The following PEAK1 variants were observed in gnomAD, a reference collection of about 807,000 sequenced individuals.
The protein encoded by PEAK1 is inactive tyrosine-protein kinase PEAK1.
Under a neutral mutation model 124.7 loss-of-function variants are expected in PEAK1, and 54 were observed. The ratio of observed to expected loss-of-function variants is 0.43; its 90% confidence interval spans 0.35 to 0.54. The LOEUF (loss-of-function observed/expected upper bound fraction) is 0.54, where lower values mean the gene tolerates loss of function less well. Among genes scored for constraint, PEAK1 ranks in the 20% least tolerant of loss-of-function variants. PEAK1 has a pLI of 0.01. For synonymous variants in PEAK1, 719 were observed against 760.0 expected, an observed-to-expected ratio of 0.95 and a Z score of 0.89; for missense variants, 2,046 against 2,134.5, an observed-to-expected ratio of 0.96 and a Z score of 0.82.
rs562831132 is a variant in PEAK1, at chr15:77,113,316, A to G, written c.*840T>C. 1 of 152,408 alleles carries G rather than the reference A, an allele frequency of 6.6e-6. No individual in the cohort carries two copies. Among genetic ancestry groups the G allele is most frequent in the East Asian group, 1.9e-4 (1 of 5,190 alleles). The allele number at this position is 152,408 out of a possible 1,614,324, so 9.4% of individuals were successfully genotyped here. A position where few individuals can be genotyped will look rare whatever the true frequency, so the allele number is the denominator to read the frequency against. On this transcript the variant is annotated 3_prime_UTR_variant, in exon 10 of 10. Transcript: ENST00000682557. ...CCCTAGAGAATTGCACATGCAAGAAAATCATCTCCTCATGCCCTGCCAGCT... is the reference window on the plus strand; with the variant it reads ...CCCTAGAGAATTGCACATGCAAGAAGATCATCTCCTCATGCCCTGCCAGCT...
chr15:77,278,774 A>C, intron 5 of PEAK1: 1 of 422,692 alleles, frequency 2.4e-6, no homozygotes, highest in Non-Finnish European at 4.5e-6. Flanking sequence ...ACTTCTGGTG[A>C]CTATACAGTT....
In PEAK1 at chr15:77,205,415, A is replaced by G. The variant is rs926205634; in HGVS notation, c.-114-23375T>C. 3.3e-5 allele frequency among the ~76,000 whole-genome samples: 5 copies of G among 152,284 alleles called. 1 individual carries two copies. The South Asian group carries it at 1.0e-3, about 32-fold the overall frequency. On this transcript the variant is annotated intron_variant, in intron 6 of 9. Transcript: ENST00000682557. The stretch of plus-strand genomic sequence containing the variant: ...ATAGATGAAGGGTTAGTTTTAGGAT[A>G]TAGTTATATCCTATAATACAAAGCA...
chr15:77,411,501 C>G (rs28498505), intron 1 of PEAK1, among the ~76,000 whole-genome samples: 2 of 152,204 alleles, frequency 1.3e-5, no homozygotes, highest in African/African-American at 4.8e-5. Context: ...AAAGCCTTGA[C>G]AAGTTTCTTG....
chr15:77,294,099 G>T (rs1383384182), intron 2 of PEAK1, among the ~76,000 whole-genome samples: 1 of 152,148 alleles, frequency 6.6e-6, no homozygotes, highest in African/African-American at 2.4e-5. Context: ...CATTTTTCCA[G>T]TGCCCTCAGC....
rs1328306628 is a variant in PEAK1 at position 77,113,853 on chromosome 15, T to A, written c.*303A>T. On this transcript the variant is annotated 3_prime_UTR_variant, in exon 10 of 10. Coordinates refer to ENST00000682557, the MANE Select transcript of PEAK1 (RefSeq NM_001385026.1). ...GGCTGAGTTCATACCAAAGAAGCTGTCCCTTCAAGAATATGGATTTTCATT... is the reference window on the plus strand; with the variant it reads ...GGCTGAGTTCATACCAAAGAAGCTGACCCTTCAAGAATATGGATTTTCATT... The A allele has an allele frequency of 5.5e-6, 2 of 364,806 alleles. No individual in the cohort carries two copies. The highest frequency in any genetic ancestry group is 2.0e-5 in the African/African-American group (1 of 48,948). 22.6% of individuals were successfully genotyped at this position (364,806 alleles called of 1,614,324 possible). A position where few individuals can be genotyped will look rare whatever the true frequency, so the allele number is the denominator to read the frequency against.
upstream of PEAK1, chr15:77,420,297 A>C (rs1427092492): frequency 2.7e-5 from 4 of 150,304 alleles, no homozygotes; most frequent in Non-Finnish European, 4.4e-5. Context: ...GTCGTCTCCC[A>C]GGTCTCCCTC....
intron 2 of PEAK1, among the ~76,000 whole-genome samples, chr15:77,344,519 C>G (rs893976723): frequency 1.5e-4 from 23 of 152,322 alleles, no homozygotes; most frequent in African/African-American, 5.1e-4. Flanking sequence ...CTCTGTTCTT[C>G]TTTTCAAGAT....
intron 1 of PEAK1, chr15:77,403,792 A>G (rs1174029205): frequency 1.0e-6 from 1 of 980,276 alleles, no homozygotes; most frequent in Non-Finnish European, 1.2e-6. Context: ...CACAAACTCA[A>G]TTTAAAAAAA....
At chr15:77,413,700 T>C (rs913591427) in intron 1 of PEAK1, among the ~76,000 whole-genome samples, 1 of 152,202 alleles carries the variant, frequency 6.6e-6, no homozygotes, top group Non-Finnish European at 1.5e-5. Flanking sequence ...GGTAAAATAT[T>C]AAAGCAGTTT....
chr15:77,280,985 C>T (rs895777909), intron 5 of PEAK1, among the ~76,000 whole-genome samples: 3 of 152,016 alleles, frequency 2.0e-5, no homozygotes, highest in Non-Finnish European at 2.9e-5. Flanking sequence ...CATGGTGAAA[C>T]CCCATCTCTA....
At chr15:77,339,073 T>C (rs1287752050) in intron 2 of PEAK1, among the ~76,000 whole-genome samples, 1 of 152,050 alleles carries the variant, frequency 6.6e-6, no homozygotes, top group Non-Finnish European at 1.5e-5. Flanking sequence ...CTCAACTGCA[T>C]TGATTTTACA....
chr15:77,366,705 C>T (rs913277423), intron 1 of PEAK1, among the ~76,000 whole-genome samples: 1 of 152,040 alleles, frequency 6.6e-6, no homozygotes, highest in Non-Finnish European at 1.5e-5. Flanking sequence ...ACACAGGTGC[C>T]CACCACCAAG....
In PEAK1 at chr15:77,338,644, AATAT is replaced by A. The variant is rs1555487054; in HGVS notation, c.-603+26515_-603+26518del. On this transcript the variant is annotated intron_variant, in intron 2 of 9. Coordinates refer to ENST00000682557, the MANE Select transcript of PEAK1 (RefSeq NM_001385026.1). ...CACATGAAAAATCTTTAAAAAAAAA[AATAT>A]ATATATATATATATGTATCTAGCTA... 4.7e-3 allele frequency among the ~76,000 whole-genome samples: 645 copies of A among 135,918 alleles called. 4 individuals carry two copies. Among genetic ancestry groups the A allele is most frequent in the African/African-American group, 0.018 (622 of 35,476 alleles). The allele number at this position is 135,918 out of a possible 152,430, so 89.2% of individuals were successfully genotyped here.
chr15:77,405,358 G>C (rs1421165407), intron 1 of PEAK1, among the ~76,000 whole-genome samples: 3 of 151,960 alleles, frequency 2.0e-5, no homozygotes, highest in Non-Finnish European at 4.4e-5. Context: ...TGAGGAGAAG[G>C]GCGTTACATT....
At chr15:77,381,644 T>C (rs996950931) in intron 1 of PEAK1, among the ~76,000 whole-genome samples, 3 of 152,146 alleles carry the variant, frequency 2.0e-5, no homozygotes, top group Non-Finnish European at 4.4e-5. Context: ...CCTTTTCAAT[T>C]ACAACACTCT....
At chr15:77,360,111 C>T (rs1026187139) in intron 2 of PEAK1, among the ~76,000 whole-genome samples, 1 of 152,120 alleles carries the variant, frequency 6.6e-6, no homozygotes, top group Non-Finnish European at 1.5e-5. Context: ...GAAATAAACC[C>T]CTACATTTAT....
chr15:77,257,034 T>C (rs2061186146), intron 5 of PEAK1, among the ~76,000 whole-genome samples: 1 of 152,204 alleles, frequency 6.6e-6, no homozygotes, highest in Admixed American at 6.5e-5. Flanking sequence ...ATTTCATCCA[T>C]GTCCCTACAA....
intron 2 of PEAK1, among the ~76,000 whole-genome samples, chr15:77,317,035 G>A (rs2064922986): frequency 6.6e-6 from 1 of 151,988 alleles, no homozygotes; most frequent in Admixed American, 6.6e-5. Context: ...GAACCAAGAT[G>A]GCACCACTGC....
intron 1 of PEAK1, among the ~76,000 whole-genome samples, chr15:77,400,860 T>C (rs2071319418): frequency 1.3e-5 from 2 of 152,180 alleles, no homozygotes; most frequent in South Asian, 2.1e-4. Flanking sequence ...TTTTTCAATA[T>C]ATTGTTTGAA....
Sources: gnomAD v4.1 joint callset for allele counts (sites outside exome capture counted in the v4.1 genomes callset) on GRCh38, gnomAD v4.1.1 for gene constraint, MANE v1.5 for transcripts, NCBI Gene and HGNC (gene_info 2026-07-23, HGNC 2026-07-21) for gene names.